The following LRMDA variants were observed in gnomAD, a reference collection of about 807,000 sequenced individuals.
LRMDA encodes leucine rich melanocyte differentiation associated.
A neutral mutation model predicts 29.8 loss-of-function variants in LRMDA; 18 were observed. That is an observed-to-expected ratio of 0.60 (90% CI 0.42 to 0.90). The LOEUF (loss-of-function observed/expected upper bound fraction) is 0.90. Ranked by LOEUF, LRMDA falls within the 40% of genes least tolerant of loss-of-function variation. LRMDA has a pLI of 0.00. For synonymous variants in LRMDA, 125 were observed against 109.4 expected, an observed-to-expected ratio of 1.14 and a Z score of -0.89; for missense variants, 273 against 273.9, an observed-to-expected ratio of 1.00 and a Z score of 0.02.
At chr10:75,927,146 C>T (rs969784939) in intron 2 of LRMDA, among the ~76,000 whole-genome samples, 4 of 152,154 alleles carry the variant, frequency 2.6e-5, no homozygotes, top group Admixed American at 6.5e-5. Context: ...GGGTCTCCAG[C>T]GATAGGGAAT....
chr10:75,983,144 C>T (rs542276767), intron 2 of LRMDA, among the ~76,000 whole-genome samples: 2 of 152,210 alleles, frequency 1.3e-5, no homozygotes, highest in East Asian at 3.9e-4. Context: ...GTAAACAATC[C>T]TAGATGTGAG....
chr10:76,287,896 A>G (rs1840292124), intron 5 of LRMDA, among the ~76,000 whole-genome samples: 1 of 152,196 alleles, frequency 6.6e-6, no homozygotes. Context: ...TTTGGGATTC[A>G]TTTTGCATTA....
intron 2 of LRMDA, among the ~76,000 whole-genome samples, chr10:75,996,095 C>G (rs564638786): frequency 6.6e-6 from 1 of 152,164 alleles, no homozygotes; most frequent in Non-Finnish European, 1.5e-5. Flanking sequence ...AAAAGAATCA[C>G]TGTGTTTATA....
intron 2 of LRMDA, among the ~76,000 whole-genome samples, chr10:75,857,307 C>T (rs1359035): frequency 0.38 from 57,233 of 151,760 alleles, 12,666 homozygotes; most frequent in South Asian, 0.5. Context: ...GTTTCCGAAC[C>T]TCCTTTCCAG....
chr10:76,557,446 G>C lies in LRMDA; in HGVS notation c.*158G>C, dbSNP rs918144721. The stretch of plus-strand genomic sequence containing the variant: ...TGGTACCTTCCGCTGACTTTGCCAG[G>C]CCTGTCAAGATGATCCTTCTGCCTT... On this transcript the variant is annotated 3_prime_UTR_variant, in exon 7 of 7. Coordinates refer to ENST00000611255, the MANE Select transcript of LRMDA (RefSeq NM_001305581.2). 6 of 641,190 alleles carry C rather than the reference G, an allele frequency of 9.4e-6. No homozygotes were observed. The Admixed American group carries it at 1.1e-4, about 11-fold the overall frequency. 39.7% of individuals were successfully genotyped at this position (641,190 alleles called of 1,614,324 possible). A position where few individuals can be genotyped will look rare whatever the true frequency, so the allele number is the denominator to read the frequency against.
At chr10:76,439,642 C>T (rs1369586203) in intron 6 of LRMDA, among the ~76,000 whole-genome samples, 2 of 152,200 alleles carry the variant, frequency 1.3e-5, no homozygotes, top group Non-Finnish European at 2.9e-5. Context: ...CAGGATTAGA[C>T]AAGAAGATCA....
intron 2 of LRMDA, among the ~76,000 whole-genome samples, chr10:75,639,815 T>G (rs953443640): frequency 6.6e-6 from 1 of 152,144 alleles, no homozygotes; most frequent in African/African-American, 2.4e-5. Context: ...TGGCATCTGA[T>G]GTTGATTGGC....
At chr10:75,709,074 C>A (rs1179531633) in intron 2 of LRMDA, among the ~76,000 whole-genome samples, 1 of 152,134 alleles carries the variant, frequency 6.6e-6, no homozygotes, top group Non-Finnish European at 1.5e-5. Context: ...TGCATGGATT[C>A]CCTCGCCCCA....
intron 2 of LRMDA, among the ~76,000 whole-genome samples, chr10:75,737,069 A>G (rs1322235671): frequency 6.6e-6 from 1 of 151,802 alleles, no homozygotes; most frequent in Non-Finnish European, 1.5e-5. Context: ...ACGCACACAC[A>G]CACACACACG....
intron 2 of LRMDA, among the ~76,000 whole-genome samples, chr10:76,006,284 G>C (rs1589285419): frequency 6.6e-6 from 1 of 152,278 alleles, no homozygotes; most frequent in African/African-American, 2.4e-5. Context: ...GGTGTTCAGA[G>C]GAGTGAGGGT....
intron 6 of LRMDA, among the ~76,000 whole-genome samples, chr10:76,423,883 G>A (rs756899159): frequency 1.3e-5 from 2 of 152,160 alleles, no homozygotes; most frequent in Non-Finnish European, 2.9e-5. Context: ...CCCAAGGGGT[G>A]AGGGGAGGTG....
At chr10:75,753,957 A>G (rs1842996920) in intron 2 of LRMDA, among the ~76,000 whole-genome samples, 1 of 152,174 alleles carries the variant, frequency 6.6e-6, no homozygotes, top group Non-Finnish European at 1.5e-5. Context: ...TGACTGTGGG[A>G]ATGAAGGAGA....
chr10:75,754,808 A>G (rs1225930768), intron 2 of LRMDA, among the ~76,000 whole-genome samples: 1 of 151,628 alleles, frequency 6.6e-6, no homozygotes, highest in East Asian at 1.9e-4. Flanking sequence ...TCTCTCGGTC[A>G]CTGCCTGTCT....
rs143116437 is a variant in LRMDA, at chr10:76,379,013, C to T, written c.601+54528C>T. 2.3e-3 allele frequency among the ~76,000 whole-genome samples: 346 copies of T among 152,052 alleles called. 5 individuals carry two copies. Among genetic ancestry groups the T allele is most frequent in the African/African-American group, 7.6e-3 (315 of 41,496 alleles). On this transcript the variant is annotated intron_variant, in intron 6 of 6. Transcript: ENST00000611255. ...CTGGTATTACAGGCATGCGCCACCACGCTCAGCTACTTTTTATATTTTTAG... is the reference window on the plus strand; with the variant it reads ...CTGGTATTACAGGCATGCGCCACCATGCTCAGCTACTTTTTATATTTTTAG...
chr10:75,530,879 G>A (rs1007967267), intron 2 of LRMDA, among the ~76,000 whole-genome samples: 1 of 152,174 alleles, frequency 6.6e-6, no homozygotes, highest in Non-Finnish European at 1.5e-5. Flanking sequence ...CTTGCCCCTT[G>A]TACTGAACTC....
At chr10:75,831,404 T>C (rs1373061732) in intron 2 of LRMDA, among the ~76,000 whole-genome samples, 1 of 152,180 alleles carries the variant, frequency 6.6e-6, no homozygotes, top group African/African-American at 2.4e-5. Flanking sequence ...GTCTCACATC[T>C]AGGTCACACT....
At chr10:76,298,565 C>T (rs1840441156) in intron 5 of LRMDA, among the ~76,000 whole-genome samples, 1 of 152,174 alleles carries the variant, frequency 6.6e-6, no homozygotes, top group Non-Finnish European at 1.5e-5. Context: ...TCAGTCACCA[C>T]CAAGTACTTT....
chr10:75,435,973 T>C (rs554874414), intron 1 of LRMDA, among the ~76,000 whole-genome samples: 4 of 151,416 alleles, frequency 2.6e-5, no homozygotes, highest in African/African-American at 4.9e-5. Context: ...CAATTCCAGC[T>C]ATTTTAGGAG....
intron 2 of LRMDA, among the ~76,000 whole-genome samples, chr10:75,729,159 G>A (rs1842666070): frequency 6.6e-6 from 1 of 152,218 alleles, no homozygotes. Flanking sequence ...GAAAGCTGCT[G>A]TGAAGGGAGG....
Sources: gnomAD v4.1 joint callset for allele counts (sites outside exome capture counted in the v4.1 genomes callset) on GRCh38, gnomAD v4.1.1 for gene constraint, MANE v1.5 for transcripts, NCBI Gene and HGNC (gene_info 2026-07-23, HGNC 2026-07-21) for gene names.